Variants in IGF1 observed in about 807,000 individuals in gnomAD.
The protein encoded by IGF1 is insulin like growth factor 1.
Under a neutral mutation model 13.8 loss-of-function variants are expected in IGF1, and 4 were observed. The ratio of observed to expected loss-of-function variants is 0.29; its 90% CI spans 0.14 to 0.66. The LOEUF (loss-of-function observed/expected upper bound fraction) is 0.66, where lower values mean the gene tolerates loss of function less well. Ranked by LOEUF, IGF1 falls within the 30% of genes least tolerant of loss-of-function variation. The pLI is 0.78. For synonymous variants in IGF1, 76 were observed against 72.6 expected (o/e 1.05, Z -0.23); for missense variants, 124 against 188.5 (o/e 0.66, Z 2.00).
chr12:102,453,535 A>G (rs1211865481), intron 2 of IGF1, among the ~76,000 whole-genome samples: 1 of 152,256 alleles, frequency 6.6e-6, no homozygotes, highest in Non-Finnish European at 1.5e-5. Context: ...AGATGAACAC[A>G]TTCTTAACTC....
intron 2 of IGF1, among the ~76,000 whole-genome samples, chr12:102,452,261 C>CAAAAAAAAAAAAAA (rs538007224): frequency 9.5e-5 from 4 of 42,174 alleles, no homozygotes; most frequent in African/African-American, 3.6e-4. Flanking sequence ...GACTCCGTCT[C>CAAAAAAAAAAAAAA]AAAAAAAAAA....
intron 3 of IGF1, 141 bp from the exon 4 acceptor site, chr12:102,402,707 A>G: frequency 1.4e-6 from 1 of 706,018 alleles, no homozygotes; most frequent in Non-Finnish European, 2.6e-6. Context: ...TTTTCCTGAG[A>G]AGGGCATGTA....
intron 2 of IGF1, among the ~76,000 whole-genome samples, chr12:102,436,131 T>C (rs1206066244): frequency 1.3e-5 from 2 of 152,072 alleles, no homozygotes; most frequent in Admixed American, 1.3e-4. Context: ...AAGGAAAAAA[T>C]ATTATAACCC....
At chr12:102,464,804 G>C (rs1415924921) in intron 2 of IGF1, among the ~76,000 whole-genome samples, 1 of 152,202 alleles carries the variant, frequency 6.6e-6, no homozygotes. Context: ...TACAACTTGA[G>C]AGTGCGAAGA....
intron 2 of IGF1, among the ~76,000 whole-genome samples, chr12:102,465,615 G>C (rs1192698522): frequency 1.3e-5 from 2 of 152,184 alleles, no homozygotes. Flanking sequence ...TTATGTGCCT[G>C]ACAAGGGAAC....
rs1163709238 is a variant in IGF1, at chr12:102,400,947, G to T, written c.*1560C>A. The T allele has an allele frequency of 6.6e-6, 1 of 152,214 alleles. No individual in the cohort carries two copies. Among genetic ancestry groups the T allele is most frequent in the Non-Finnish European group, 1.5e-5 (1 of 68,034 alleles). 9.4% of individuals were successfully genotyped at this position (152,214 alleles called of 1,614,324 possible). A position where few individuals can be genotyped will look rare whatever the true frequency, so the allele number is the denominator to read the frequency against. ...ATGCTTCCCACATATTTTGAAAAGT[G>T]TTTTAAGAGATTGAGCTGTTAGCTT... On this transcript the variant is annotated 3_prime_UTR_variant, in exon 4 of 4. Coordinates refer to ENST00000337514, the MANE Select transcript of IGF1 (RefSeq NM_000618.5).
chr12:102,455,767 C>T (rs1216157371), intron 2 of IGF1, among the ~76,000 whole-genome samples: 2 of 152,100 alleles, frequency 1.3e-5, no homozygotes, highest in East Asian at 1.9e-4. Context: ...ACTGAGGCAC[C>T]CTGCAATCTC....
rs1422192891 is a variant in IGF1 at position 102,402,242 on chromosome 12, A to AT, written c.*264dup. On this transcript the variant is annotated 3_prime_UTR_variant, in exon 4 of 4. Coordinates refer to ENST00000337514, the MANE Select transcript of IGF1 (RefSeq NM_000618.5). ...CAGGGACTAAGATATATATATATAT[A>AT]TATTTTTTTTTTCTTTTCTATAGAA... The AT allele has an allele frequency of 1.2e-4, 31 of 254,434 alleles. No homozygotes were observed. The highest frequency in any genetic ancestry group is 3.7e-4 in the South Asian group (6 of 16,018). 15.8% of individuals were successfully genotyped at this position (254,434 alleles called of 1,614,324 possible). A position where few individuals can be genotyped will look rare whatever the true frequency, so the allele number is the denominator to read the frequency against.
chr12:102,480,247 T>C, intron 1 of IGF1, 72 bp downstream of exon 1: 1 of 1,419,994 alleles, frequency 7.0e-7, no homozygotes, highest in Non-Finnish European at 9.9e-7. Flanking sequence ...GAAGAACAGT[T>C]CTAGGCAGAA....
intron 2 of IGF1, among the ~76,000 whole-genome samples, chr12:102,432,793 T>C (rs542854180): frequency 6.6e-6 from 1 of 152,292 alleles, no homozygotes; most frequent in Admixed American, 6.5e-5. Context: ...TGTATACATA[T>C]GTAACTAACC....
At chr12:102,476,410 T>TGAGGGAGAGAGAGAGAGAGAGAGA (rs1555250204) in intron 1 of IGF1, among the ~76,000 whole-genome samples, 1 of 139,036 alleles carries the variant, frequency 7.2e-6, no homozygotes, top group African/African-American at 2.6e-5. Context: ...TTCCTCAATA[T>TGAGGGAGAGAGAGAGAGAGAGAGA]GAGAGAGAGA....
At chr12:102,464,464 A>G (rs1445486362) in intron 2 of IGF1, among the ~76,000 whole-genome samples, 1 of 148,512 alleles carries the variant, frequency 6.7e-6, no homozygotes, top group Non-Finnish European at 1.5e-5. Flanking sequence ...GCTCCATACT[A>G]GATGCTGTGA....
chr12:102,477,275 A>G (rs547586690), intron 1 of IGF1, among the ~76,000 whole-genome samples: 3 of 137,528 alleles, frequency 2.2e-5, no homozygotes, highest in East Asian at 2.0e-4. Flanking sequence ...GCAACTGAGG[A>G]AAAAAAAAAA....
chr12:102,463,721 A>G (rs1880096936), intron 2 of IGF1, among the ~76,000 whole-genome samples: 1 of 152,218 alleles, frequency 6.6e-6, no homozygotes, highest in Non-Finnish European at 1.5e-5. Flanking sequence ...CTTTGAGTGT[A>G]TGGACTGTGG....
At chr12:102,476,767 C>G (rs973531565) in intron 1 of IGF1, among the ~76,000 whole-genome samples, 1 of 152,196 alleles carries the variant, frequency 6.6e-6, no homozygotes, top group East Asian at 1.9e-4. Flanking sequence ...CCCTGGTTGG[C>G]ATGACTTAGT....
At chr12:102,464,682 T>C (rs1880174204) in intron 2 of IGF1, among the ~76,000 whole-genome samples, 2 of 151,758 alleles carry the variant, frequency 1.3e-5, no homozygotes, top group Non-Finnish European at 2.9e-5. Context: ...AACCACAGGG[T>C]CACTGGTCCA....
intron 1 of IGF1, among the ~76,000 whole-genome samples, chr12:102,476,410 T>TGAGAGAGAGAGAGAGAGAGAGAGAGA (rs36047405): frequency 9.4e-5 from 13 of 139,032 alleles, no homozygotes; most frequent in Non-Finnish European, 1.6e-4. Context: ...TTCCTCAATA[T>TGAGAGAGAGAGAGAGAGAGAGAGAGA]GAGAGAGAGA....
chr12:102,466,794 TG>T (rs1880365419), intron 2 of IGF1, among the ~76,000 whole-genome samples: 1 of 152,054 alleles, frequency 6.6e-6, no homozygotes, highest in Non-Finnish European at 1.5e-5. Context: ...TCCCAGCTAC[TG>T]GGGAGGCTGA....
intron 2 of IGF1, among the ~76,000 whole-genome samples, chr12:102,444,240 C>A (rs972706475): frequency 1.3e-5 from 2 of 151,788 alleles, no homozygotes; most frequent in African/African-American, 4.8e-5. Context: ...AAAAAGACAC[C>A]CAATTTCCTT....
Sources: allele counts gnomAD v4.1 joint callset (sites outside exome capture counted in the v4.1 genomes callset), GRCh38; gene constraint gnomAD v4.1.1; transcripts MANE v1.5; gene names NCBI Gene and HGNC (gene_info 2026-07-23, HGNC 2026-07-21).